PLD1: variants seen among roughly 807,000 people sequenced by gnomAD.
The protein encoded by PLD1 is phospholipase D1, also known as choline phosphatase 1.
A neutral mutation model predicts 137.1 loss-of-function variants in PLD1; 112 were observed. That is an observed-to-expected ratio of 0.82 (90% CI 0.70 to 0.96). The LOEUF (loss-of-function observed/expected upper bound fraction) is 0.96, where lower values mean the gene tolerates loss of function less well. Among genes scored for constraint, PLD1 ranks in the 40% least tolerant of loss-of-function variants. The pLI is 0.00. For missense variants in PLD1, 1,321 were observed against 1,342.0 expected (o/e 0.98, Z 0.24); for synonymous variants, 431 against 454.7 (o/e 0.95, Z 0.66).
At chr3:171,749,686 AG>A (rs1720517178) in intron 1 of PLD1, among the ~76,000 whole-genome samples, 2 of 152,222 alleles carry the variant, frequency 1.3e-5, no homozygotes, top group South Asian at 4.1e-4. Context: ...AAACTCGGAT[AG>A]AAAGTCCATA....
chr3:171,733,530 A>G lies in PLD1; in HGVS notation c.541-21T>C, dbSNP rs1206465712. 6.5e-6 allele frequency: 6 copies of G among 920,982 alleles called. No homozygotes were observed. The Admixed American group carries it at 9.0e-5, about 14-fold the overall frequency. The allele number at this position is 920,982 out of a possible 1,614,324, so 57.1% of individuals were successfully genotyped here. ...TGTTTCTGTAATGCAAATATTTTAG[A>G]TAAGTGTTAACATGGTCATATTTAT... is the stretch of plus-strand genomic sequence containing the variant. On this transcript the variant is annotated intron_variant, in intron 5 of 26. Transcript: ENST00000351298.
chr3:171,797,449 T>C (rs992835901), intron 1 of PLD1, among the ~76,000 whole-genome samples: 1 of 152,210 alleles, frequency 6.6e-6, no homozygotes, highest in African/African-American at 2.4e-5. Flanking sequence ...GCAAATTCTC[T>C]GCCCAGCCCA....
intron 21 of PLD1, among the ~76,000 whole-genome samples, chr3:171,646,224 C>T (rs1304010555): frequency 1.3e-5 from 2 of 152,156 alleles, no homozygotes; most frequent in East Asian, 3.9e-4. Context: ...CAATGAATCT[C>T]GCTGGGATAT....
intron 23 of PLD1, among the ~76,000 whole-genome samples, chr3:171,622,597 T>C (rs751260601): frequency 2.0e-5 from 3 of 151,720 alleles, no homozygotes; most frequent in African/African-American, 4.8e-5. Flanking sequence ...ATGAAGAAAG[T>C]AGGAAATGAT....
intron 1 of PLD1, among the ~76,000 whole-genome samples, chr3:171,766,134 A>G (rs957963347): frequency 2.0e-5 from 3 of 152,186 alleles, no homozygotes; most frequent in African/African-American, 7.2e-5. Context: ...TTATTATAAA[A>G]ATGATAAATT....
intron 1 of PLD1, among the ~76,000 whole-genome samples, chr3:171,782,153 T>A (rs1214634269): frequency 1.3e-5 from 2 of 152,232 alleles, no homozygotes; most frequent in Admixed American, 1.3e-4. Flanking sequence ...CATTGTATGA[T>A]TCAATTTTGT....
intron 7 of PLD1, among the ~76,000 whole-genome samples, chr3:171,725,325 C>A (rs1468940832): frequency 6.6e-6 from 1 of 152,184 alleles, no homozygotes; most frequent in Non-Finnish European, 1.5e-5. Flanking sequence ...CATGGTGCAT[C>A]TCACCCACAG....
chr3:171,679,439 C>T (rs1454693391), intron 16 of PLD1, among the ~76,000 whole-genome samples: 1 of 152,076 alleles, frequency 6.6e-6, no homozygotes, highest in African/African-American at 2.4e-5. Context: ...CATCTATAGG[C>T]TCTTTATTGT....
In PLD1 at chr3:171,609,314, T is replaced by C. The variant is rs1191374022; in HGVS notation, c.2882+2965A>G. 3.9e-5 allele frequency among the ~76,000 whole-genome samples: 6 copies of C among 152,162 alleles called. No individual in the cohort carries two copies. The East Asian group carries it at 9.6e-4, about 24-fold the overall frequency. On this transcript the variant is annotated intron_variant, in intron 25 of 26. Transcript: ENST00000351298. ...ATAACAGAAATTAGTATAACCTCTA[T>C]AGGAGACAGTATGGACACTTCTCAA... is the stretch of plus-strand genomic sequence containing the variant.
At chr3:171,757,105 G>A (rs1183933302) in intron 1 of PLD1, among the ~76,000 whole-genome samples, 1 of 152,084 alleles carries the variant, frequency 6.6e-6, no homozygotes, top group Non-Finnish European at 1.5e-5. Flanking sequence ...ATACTAAAAA[G>A]AAAAGGGGAA....
At chr3:171,721,070 T>C (rs1002340853) in intron 8 of PLD1, among the ~76,000 whole-genome samples, 2 of 152,176 alleles carry the variant, frequency 1.3e-5, no homozygotes, top group African/African-American at 4.8e-5. Flanking sequence ...ATTTCCCCTC[T>C]AACAGAACTC....
chr3:171,685,424 T>G (rs963677643), intron 16 of PLD1, among the ~76,000 whole-genome samples: 9 of 152,196 alleles, frequency 5.9e-5, no homozygotes, highest in African/African-American at 1.9e-4. Flanking sequence ...CATAGTAATC[T>G]TTATTTCTGC....
At chr3:171,624,696 A>G (rs1733934262) in intron 23 of PLD1, among the ~76,000 whole-genome samples, 1 of 152,182 alleles carries the variant, frequency 6.6e-6, no homozygotes, top group Non-Finnish European at 1.5e-5. Context: ...ATGGAAGACT[A>G]TGCAGTGTTA....
At chr3:171,658,675 G>T (rs895734824) in intron 21 of PLD1, among the ~76,000 whole-genome samples, 2 of 152,112 alleles carry the variant, frequency 1.3e-5, no homozygotes, top group Non-Finnish European at 2.9e-5. Flanking sequence ...CTGCTAATGG[G>T]GTTTCTTTCT....
chr3:171,617,220 C>G (rs770535636), intron 24 of PLD1, among the ~76,000 whole-genome samples: 1 of 152,178 alleles, frequency 6.6e-6, no homozygotes, highest in South Asian at 2.1e-4. Flanking sequence ...CATTTAAAAG[C>G]AAATTGCAGA....
intron 21 of PLD1, among the ~76,000 whole-genome samples, chr3:171,647,744 C>T (rs547382921): frequency 5.3e-5 from 8 of 152,192 alleles, no homozygotes; most frequent in African/African-American, 1.9e-4. Flanking sequence ...CGCGCCCAGC[C>T]CCCATTTTTA....
At chr3:171,651,988 T>G (rs1311468350) in intron 21 of PLD1, among the ~76,000 whole-genome samples, 2 of 152,168 alleles carry the variant, frequency 1.3e-5, no homozygotes, top group African/African-American at 4.8e-5. Context: ...TTACATGACC[T>G]AAATCAAAAG....
chr3:171,808,363 C>T (rs9859043), intron 1 of PLD1, among the ~76,000 whole-genome samples: 45,716 of 151,936 alleles, frequency 0.3, 7,413 homozygotes, highest in Admixed American at 0.36. Flanking sequence ...GGTGAAACCC[C>T]GTCTCTACTA....
chr3:171,674,660 C>A (rs1289699299), intron 18 of PLD1, 47 bp from the exon 19 acceptor site: 2 of 1,068,656 alleles, frequency 1.9e-6, no homozygotes, highest in Non-Finnish European at 2.9e-6. Context: ...AAAAAAGATT[C>A]ATTCTCCCTA....
Sources: allele counts gnomAD v4.1 joint callset (sites outside exome capture counted in the v4.1 genomes callset), GRCh38; gene constraint gnomAD v4.1.1; transcripts MANE v1.5; gene names NCBI Gene and HGNC (gene_info 2026-07-23, HGNC 2026-07-21).